The following BUD23 variants were observed in gnomAD, a reference collection of about 807,000 sequenced individuals.
The protein encoded by BUD23 is 18S rRNA (guanine-N(7))-methyltransferase.
BUD23 carries 34 observed loss-of-function variants against 47.0 expected under a neutral mutation model. The ratio of observed to expected loss-of-function variants is 0.72; its 90% CI spans 0.55 to 0.96. The LOEUF is 0.96. BUD23 is among the 40% of genes least tolerant of loss of function. The probability of loss-of-function intolerance (pLI) is 0.00; values close to 1 mark genes in which losing one functional copy is unlikely to be tolerated. For synonymous variants in BUD23, 124 were observed against 132.0 expected, an observed-to-expected ratio of 0.94 and a Z score of 0.41; for missense variants, 343 against 361.2, an observed-to-expected ratio of 0.95 and a Z score of 0.41.
chr7:73,695,349 C>T (rs1385010092), intron 10 of BUD23: 1 of 151,930 alleles, frequency 6.6e-6, no homozygotes, highest in Non-Finnish European at 1.5e-5. Context: ...CCTCTGCCTC[C>T]CAGGTTCCAG....
intron 2 of BUD23, 53 bp from the exon 3 acceptor site, chr7:73,686,583 A>G: frequency 1.3e-6 from 2 of 1,491,738 alleles, no homozygotes; most frequent in Non-Finnish European, 9.2e-7. Context: ...GTCTGGGGGA[A>G]GTATTCACCC....
chr7:73,686,435 A>G (rs1428014485), intron 2 of BUD23, among the ~76,000 whole-genome samples: 2 of 152,230 alleles, frequency 1.3e-5, no homozygotes, highest in Admixed American at 1.3e-4. Flanking sequence ...CCTGAATTAC[A>G]TGGAATTTTT....
chr7:73,697,891 C>G lies in BUD23; in HGVS notation c.*5C>G, dbSNP rs1554615203. On this transcript the variant is annotated 3_prime_UTR_variant, in exon 12 of 12. Transcript: ENST00000265758. ...AAGCGCAAGCCCCGCTTCTAAGTCA[C>G]CACGCGGTTCTGGAAAGGCACTTGC... 10 of 1,612,594 alleles carry G rather than the reference C, an allele frequency of 6.2e-6. No individual in the cohort carries two copies. Among genetic ancestry groups the G allele is most frequent in the Admixed American group, 1.7e-5 (1 of 59,542 alleles).
At chr7:73,693,552 G>A (rs782281706) in intron 8 of BUD23, 72 bp from the exon 9 acceptor site, 12 of 1,604,762 alleles carry the variant, frequency 7.5e-6, no homozygotes, top group South Asian at 1.1e-5. Context: ...GGGTGCGGGT[G>A]GGGGAGCTGA....
chr7:73,686,343 T>C (rs1797966089), intron 2 of BUD23, among the ~76,000 whole-genome samples: 2 of 152,172 alleles, frequency 1.3e-5, no homozygotes, highest in African/African-American at 4.8e-5. Flanking sequence ...AGTGGTTGTT[T>C]ATTACTAGCT....
At chr7:73,690,337 C>T (rs1326563970) in intron 5 of BUD23, among the ~76,000 whole-genome samples, 2 of 152,074 alleles carry the variant, frequency 1.3e-5, no homozygotes, top group African/African-American at 2.4e-5. Context: ...GTTGTAAAGA[C>T]ACTTAACAGG....
At chr7:73,695,850 C>T (rs2116706346) in intron 10 of BUD23, 1 of 152,266 alleles carries the variant, frequency 6.6e-6, no homozygotes, top group Middle Eastern at 3.4e-3. Context: ...CTTTTAGTGC[C>T]TTCATTGCAG....
Position 73,697,896 on chromosome 7 carries a change from C to T in BUD23, c.*10C>T, listed in dbSNP as rs201145963. 1.0e-3 allele frequency: 1,682 copies of T among 1,612,250 alleles called. No individual in the cohort carries two copies. The highest frequency in any genetic ancestry group is 1.1e-3 in the Non-Finnish European group (1,334 of 1,179,618). On this transcript the variant is annotated 3_prime_UTR_variant, in exon 12 of 12. Coordinates refer to ENST00000265758, the MANE Select transcript of BUD23 (RefSeq NM_017528.5). The stretch of plus-strand genomic sequence containing the variant: ...CAAGCCCCGCTTCTAAGTCACCACG[C>T]GGTTCTGGAAAGGCACTTGCCTCTG...
At chr7:73,690,682 C>G (rs1433260116) in intron 5 of BUD23, among the ~76,000 whole-genome samples, 8 of 152,008 alleles carry the variant, frequency 5.3e-5, no homozygotes, top group Non-Finnish European at 1.2e-4. Context: ...GCTATGTTGT[C>G]CAGGCTGGTT....
chr7:73,691,309 G>C (rs1554613990), intron 6 of BUD23, among the ~76,000 whole-genome samples: 2 of 152,100 alleles, frequency 1.3e-5, no homozygotes, highest in African/African-American at 4.8e-5. Flanking sequence ...TATGTCTATT[G>C]CGCTGAGTTT....
At position 73,686,984 on chromosome 7, in the gene BUD23, T is replaced by C; in HGVS notation, c.266-15T>C. 1 of 1,614,132 alleles carries C rather than the reference T, an allele frequency of 6.2e-7. No individual in the cohort carries two copies. The highest frequency in any genetic ancestry group is 8.5e-7 in the Non-Finnish European group (1 of 1,179,984). ...AGGTATTTCTCTTTCTCTGACTGCCTTTTCTCTAATGTAGATGAGGCTGTG... is the reference window on the plus strand; with the variant it reads ...AGGTATTTCTCTTTCTCTGACTGCCCTTTCTCTAATGTAGATGAGGCTGTG... On this transcript the variant is annotated splice_polypyrimidine_tract_variant and intron_variant, in intron 4 of 11. Transcript: ENST00000265758.
chr7:73,683,838 G>A, intron 2 of BUD23, 34 bp downstream of exon 2: 1 of 1,614,164 alleles, frequency 6.2e-7, no homozygotes, highest in Non-Finnish European at 8.5e-7. Flanking sequence ...GGGCGTCCGG[G>A]GGTCGGGAAG....
At chr7:73,694,335 C>G in intron 10 of BUD23, 1 of 369,490 alleles carries the variant, frequency 2.7e-6, no homozygotes. Context: ...TTTTCTGATG[C>G]TGCCCTCCAC....
Position 73,688,566 on chromosome 7 carries a change from T to A in BUD23, c.362+1471T>A, listed in dbSNP as rs72610185. On this transcript the variant is annotated intron_variant, in intron 5 of 11. Coordinates refer to ENST00000265758, the MANE Select transcript of BUD23 (RefSeq NM_017528.5). ...GATAACTGGTAGAGAGCGTCTGGAC[T>A]TGCTCTAATCTCTTAAGTGCTTCAC... is the stretch of plus-strand genomic sequence containing the variant. Among the ~76,000 whole-genome samples, 5,564 of 152,276 alleles carry A rather than the reference T, an allele frequency of 0.037. 658 individuals carry two copies. The East Asian group carries it at 0.42, about 12-fold the overall frequency.
intron 8 of BUD23, 51 bp from the exon 9 acceptor site, chr7:73,693,572 TC>T (rs1554614395): frequency 6.2e-7 from 1 of 1,612,046 alleles, no homozygotes; most frequent in African/African-American, 1.3e-5. Flanking sequence ...AGGGCTTGTC[TC>T]CCTGTGGGGC....
chr7:73,694,407 TTG>T, intron 10 of BUD23: 1 of 235,356 alleles, frequency 4.2e-6, no homozygotes, highest in Non-Finnish European at 8.2e-6. Context: ...CATCCTCATC[TTG>T]ACTCTCCTGG....
chr7:73,691,012 C>G lies in BUD23; in HGVS notation c.459C>G (p.Leu153=), dbSNP rs985900894. 6.2e-7 allele frequency: 1 copy of G among 1,613,836 alleles called. No individual in the cohort carries two copies. Among genetic ancestry groups the G allele is most frequent in the Non-Finnish European group, 8.5e-7 (1 of 1,179,754 alleles). ...TTTTTGCTTCTCTTTTTTCTGTTCT[C>G]GTGAGTATAAGATCTTCTCCCCATC... is the stretch of plus-strand genomic sequence containing the variant. ...YCFFASLFSV[L]VRGSRAVLQL... is the part of the protein sequence containing the mutation. Residue 153 remains leucine (L), a splice_region_variant and synonymous_variant, in exon 6 of 12, where the codon CTC becomes CTG. Coordinates refer to ENST00000265758, the MANE Select transcript of BUD23 (RefSeq NM_017528.5).
intron 5 of BUD23, among the ~76,000 whole-genome samples, chr7:73,688,486 A>G (rs1272271432): frequency 1.3e-5 from 2 of 152,116 alleles, no homozygotes; most frequent in Non-Finnish European, 2.9e-5. Flanking sequence ...CGGCCATTTT[A>G]TGGGCCCCAG....
intron 2 of BUD23, chr7:73,684,091 G>A: frequency 1.9e-6 from 2 of 1,029,066 alleles, no homozygotes; most frequent in Non-Finnish European, 2.7e-6. Flanking sequence ...GGCGCTGGGC[G>A]GTGGGTACGG....
Sources: allele counts gnomAD v4.1 joint callset (sites outside exome capture counted in the v4.1 genomes callset), GRCh38; gene constraint gnomAD v4.1.1; transcripts MANE v1.5; gene names NCBI Gene and HGNC (gene_info 2026-07-23, HGNC 2026-07-21).